TNRC6B: variants seen among roughly 807,000 people sequenced by gnomAD.
The protein encoded by TNRC6B is trinucleotide repeat-containing gene 6B protein.
A neutral mutation model predicts 203.6 loss-of-function variants in TNRC6B; 52 were observed. The ratio of observed to expected loss-of-function variants is 0.26; its 90% CI spans 0.20 to 0.32. The LOEUF (loss-of-function observed/expected upper bound fraction) is 0.32. Among genes scored for constraint, TNRC6B ranks in the 10% least tolerant of loss-of-function variants. The probability of loss-of-function intolerance (pLI) is 1.00; values close to 1 mark genes in which losing one functional copy is unlikely to be tolerated. For missense variants in TNRC6B, 1,923 were observed against 2,286.2 expected (o/e 0.84, Z 3.24); for synonymous variants, 838 against 845.7 (o/e 0.99, Z 0.16).
intron 1 of TNRC6B, among the ~76,000 whole-genome samples, chr22:40,215,169 A>G (rs1406092284): frequency 2.6e-5 from 4 of 152,228 alleles, no homozygotes; most frequent in African/African-American, 9.7e-5. Flanking sequence ...TTAGTGGCAC[A>G]TGAAATATTG....
chr22:40,196,820 C>G (rs73165055), intron 1 of TNRC6B, among the ~76,000 whole-genome samples: 5 of 152,146 alleles, frequency 3.3e-5, no homozygotes, highest in South Asian at 4.1e-4. Context: ...TGAGTTTTTC[C>G]ATAAGGCTCT....
intron 12 of TNRC6B, among the ~76,000 whole-genome samples, 172 bp downstream of exon 12, chr22:40,285,942 A>G (rs1157216050): frequency 6.6e-6 from 1 of 152,270 alleles, no homozygotes; most frequent in Admixed American, 6.5e-5. Context: ...AATATGAAAT[A>G]TCTAGCTGCC....
At chr22:40,108,843 G>A (rs1406366436) in intron 1 of TNRC6B, among the ~76,000 whole-genome samples, 5 of 152,160 alleles carry the variant, frequency 3.3e-5, no homozygotes, top group African/African-American at 1.2e-4. Flanking sequence ...GTAAACATGT[G>A]CCATGGTGGT....
intron 1 of TNRC6B, among the ~76,000 whole-genome samples, chr22:40,211,378 C>G (rs2069560806): frequency 1.3e-5 from 1 of 78,702 alleles, no homozygotes; most frequent in African/African-American, 1.3e-4. Flanking sequence ...CATGCCCGGC[C>G]TGTTCTTTTT....
chr22:40,268,755 C>T (rs1300030493), intron 5 of TNRC6B, among the ~76,000 whole-genome samples: 3 of 151,608 alleles, frequency 2.0e-5, no homozygotes, highest in African/African-American at 4.8e-5. Context: ...ACTAAAAAAT[C>T]GAAAAAATTA....
At chr22:40,121,979 C>T (rs1206058460) in intron 2 of TNRC6B, among the ~76,000 whole-genome samples, 2 of 152,170 alleles carry the variant, frequency 1.3e-5, no homozygotes, top group African/African-American at 2.4e-5. Flanking sequence ...ATACTGTGCC[C>T]CCTCATTAAA....
At chr22:40,179,544 C>A in intron 1 of TNRC6B, among the ~76,000 whole-genome samples, 1 of 152,272 alleles carries the variant, frequency 6.6e-6, no homozygotes, top group Non-Finnish European at 1.5e-5. Flanking sequence ...ATTGTCATAT[C>A]CCCATCATTA....
intron 2 of TNRC6B, among the ~76,000 whole-genome samples, 172 bp from the exon 3 acceptor site, chr22:40,251,007 C>T (rs551502738): frequency 6.6e-6 from 1 of 151,020 alleles, no homozygotes; most frequent in East Asian, 1.9e-4. Context: ...GACATATGGC[C>T]ACAGTCTCTG....
chr22:40,295,074 A>G (rs2070920798), intron 12 of TNRC6B, among the ~76,000 whole-genome samples: 1 of 152,228 alleles, frequency 6.6e-6, no homozygotes, highest in African/African-American at 2.4e-5. Flanking sequence ...CCAAAATGAC[A>G]GAGTTGATGG....
intron 4 of TNRC6B, among the ~76,000 whole-genome samples, chr22:40,170,255 G>A (rs1480273760): frequency 2.1e-5 from 3 of 142,482 alleles, no homozygotes; most frequent in Non-Finnish European, 3.0e-5. Context: ...TCTAGTCTGG[G>A]CAACAGGGCG....
At position 40,264,859 on chromosome 22, in the gene TNRC6B, C is replaced by T; in HGVS notation, c.629C>T (p.Ser210Phe). 1 of 1,613,906 alleles carries T rather than the reference C, an allele frequency of 6.2e-7. No homozygotes were observed. Among genetic ancestry groups the T allele is most frequent in the Non-Finnish European group, 8.5e-7 (1 of 1,179,888 alleles). Residue 210 changes from serine to phenylalanine, a missense_variant, in exon 5 of 23, where the codon TCT becomes TTT. Ser to Phe is a radical substitution (Grantham distance 155, BLOSUM62 -2). Around this residue, in one of 8 missense-constraint regions of TNRC6B, gnomAD observed 614 missense variants for 587.7 expected, o/e 1.04. Coordinates refer to ENST00000454349, the MANE Select transcript of TNRC6B (RefSeq NM_001162501.2). ...TGTATTGCCAGCAAAGACACTGAAT[C>T]TTCTTCCGAAAACACCACCGATAAC... ...WPCIASKDTESSSENTTDNNS... is the reference protein window; with the variant it reads ...WPCIASKDTEFSSENTTDNNS...
At chr22:40,065,850 T>C (rs1045775478) in intron 1 of TNRC6B, among the ~76,000 whole-genome samples, 5 of 152,138 alleles carry the variant, frequency 3.3e-5, no homozygotes, top group Non-Finnish European at 7.4e-5. Context: ...TTACTCTGTC[T>C]GGTGAGATTA....
intron 1 of TNRC6B, among the ~76,000 whole-genome samples, chr22:40,049,139 T>C (rs2067722396): frequency 6.6e-6 from 1 of 152,032 alleles, no homozygotes; most frequent in Non-Finnish European, 1.5e-5. Context: ...CCCAGCACTT[T>C]GGGAGGCTGA....
At chr22:40,261,350 A>C (rs1796209773) in intron 3 of TNRC6B, among the ~76,000 whole-genome samples, 1 of 152,142 alleles carries the variant, frequency 6.6e-6, no homozygotes, top group Non-Finnish European at 1.5e-5. Context: ...AGGCCAAGGC[A>C]GGCGGATCAT....
intron 1 of TNRC6B, among the ~76,000 whole-genome samples, chr22:40,181,340 GTCCTCACCCTACCCAGCTGC>G (rs533087948): frequency 1.5e-4 from 23 of 152,070 alleles, no homozygotes; most frequent in Non-Finnish European, 2.8e-4. Flanking sequence ...AATAAGGGTG[GTCCTCACCCTACCCAGCTGC>G]TCCTCACCCT....
chr22:40,285,218 T>G (rs1203764679), intron 11 of TNRC6B, among the ~76,000 whole-genome samples: 3 of 152,294 alleles, frequency 2.0e-5, no homozygotes, highest in African/African-American at 4.8e-5. Flanking sequence ...CATCATAATG[T>G]TTTATAAATA....
chr22:40,231,459 A>G (rs1361620352), intron 1 of TNRC6B, among the ~76,000 whole-genome samples: 1 of 152,136 alleles, frequency 6.6e-6, no homozygotes, highest in Non-Finnish European at 1.5e-5. Flanking sequence ...CATATTCAGG[A>G]CTTGCATATT....
At chr22:40,310,392 G>A (rs1260350219) in intron 16 of TNRC6B, among the ~76,000 whole-genome samples, 2 of 152,188 alleles carry the variant, frequency 1.3e-5, no homozygotes, top group African/African-American at 2.4e-5. Flanking sequence ...AACCTGGGTG[G>A]ATAGCATCAG....
chr22:40,249,944 C>T (rs1486374476), intron 2 of TNRC6B, among the ~76,000 whole-genome samples: 1 of 152,142 alleles, frequency 6.6e-6, no homozygotes, highest in South Asian at 2.1e-4. Flanking sequence ...CAGGCGGATC[C>T]TTTAACTCTT....
Sources: gnomAD v4.1 joint callset for allele counts (sites outside exome capture counted in the v4.1 genomes callset) on GRCh38, gnomAD v4.1.1 for gene constraint, gnomAD v4.1.1 regional missense constraint, MANE v1.5 for transcripts, NCBI Gene and HGNC (gene_info 2026-07-23, HGNC 2026-07-21) for gene names.